The following ARID3C variants were observed in gnomAD, a reference collection of about 807,000 sequenced individuals.
ARID3C encodes the protein AT-rich interactive domain-containing protein 3C.
In ARID3C, 42 loss-of-function variants were observed where a neutral mutation model predicts 37.9. That is an observed-to-expected ratio of 1.11 (90% CI 0.87 to 1.43). The LOEUF is 1.43. Among genes scored for constraint, ARID3C ranks in the 40% most tolerant of loss-of-function variants. ARID3C has a pLI of 0.00. For missense variants in ARID3C, 581 were observed against 548.8 expected (o/e 1.06, Z -0.59); for synonymous variants, 213 against 228.0 (o/e 0.93, Z 0.59).
chr9:34,622,933 G>A (rs1820595789), intron 4 of ARID3C, among the ~76,000 whole-genome samples: 1 of 152,012 alleles, frequency 6.6e-6, no homozygotes, highest in Non-Finnish European at 1.5e-5. Context: ...GGATCACGTG[G>A]TCAGGAGATC....
chr9:34,632,312 G>C (rs146073227), upstream of ARID3C, among the ~76,000 whole-genome samples: 80 of 152,172 alleles, frequency 5.3e-4, no homozygotes, highest in African/African-American at 1.8e-3. Flanking sequence ...ATAGAATTTT[G>C]CTTGATGTGT....
upstream of ARID3C, among the ~76,000 whole-genome samples, chr9:34,629,702 GTC>G (rs995139391): frequency 6.6e-6 from 1 of 152,024 alleles, no homozygotes; most frequent in African/African-American, 2.4e-5. Context: ...CACAGTTTTT[GTC>G]TCTTTTGACA....
exon 1 of ARID3C, chr9:34,627,723 A>C (rs1820674843): frequency 6.2e-7 from 1 of 1,612,932 alleles, no homozygotes; most frequent in East Asian, 2.2e-5. Context: ...TCGTAGGTCC[A>C]CTCGTGGGGA....
At chr9:34,623,156 AAAAAAAAG>A (rs1820599590) in intron 4 of ARID3C, among the ~76,000 whole-genome samples, 1 of 150,944 alleles carries the variant, frequency 6.6e-6, no homozygotes, top group African/African-American at 2.4e-5. Context: ...ACAAAAAAAA[AAAAAAAAG>A]AAAAAAAGAA....
chr9:34,625,168 T>C (rs1482709939), intron 2 of ARID3C, among the ~76,000 whole-genome samples: 1 of 152,126 alleles, frequency 6.6e-6, no homozygotes, highest in Non-Finnish European at 1.5e-5. Context: ...GAGTCAGTGT[T>C]CGGTCCCATG....
chr9:34,622,203 C>A (rs1820578714), intron 5 of ARID3C, 94 bp from the exon 7 acceptor site: 1 of 1,575,184 alleles, frequency 6.3e-7, no homozygotes, highest in Non-Finnish European at 8.7e-7. Flanking sequence ...AGACAGCCCC[C>A]ATTCCACTTC....
chr9:34,627,202 G>A (rs1247878011), intron 1 of ARID3C, among the ~76,000 whole-genome samples: 1 of 152,238 alleles, frequency 6.6e-6, no homozygotes, highest in African/African-American at 2.4e-5. Context: ...AGCCTGCCAA[G>A]TGAGTGATAA....
At chr9:34,626,315 G>T (rs1179303923) in intron 1 of ARID3C, among the ~76,000 whole-genome samples, 4 of 152,166 alleles carry the variant, frequency 2.6e-5, no homozygotes, top group Non-Finnish European at 4.4e-5. Flanking sequence ...CCTCAGGCAG[G>T]GTGATGCTCA....
chr9:34,625,743 C>CGT lies in ARID3C; in HGVS notation c.389_390insAC (p.Gly131ArgfsTer5), dbSNP rs760752324. On this transcript the variant is annotated frameshift_variant and splice_region_variant, in exon 2 of 7. Coordinates refer to ENST00000378909, the Ensembl canonical transcript of ARID3C. LOFTEE classifies it high-confidence loss of function. ...CTTCCCCCACATCATGCCACTCACC[C>CGT]CTCTTTTGCATGAAGCTAAACAGGT... The CGT allele has an allele frequency of 6.2e-7, 1 of 1,613,936 alleles. No individual in the cohort carries two copies. The highest frequency in any genetic ancestry group is 8.5e-7 in the Non-Finnish European group (1 of 1,179,892).
rs752602142 is a variant in ARID3C, at chr9:34,627,647, A to G, written c.318+50T>C. The G allele has an allele frequency of 4.6e-6, 7 of 1,519,546 alleles. No individual in the cohort carries two copies. The East Asian group carries it at 1.6e-4, about 35-fold the overall frequency. 94.1% of individuals were successfully genotyped at this position (1,519,546 alleles called of 1,614,324 possible). On this transcript the variant is annotated intron_variant, in intron 1 of 6. Transcript: ENST00000378909. Reference sequence around the variant, plus strand: ...CTAATCACCTGGCTGTGCTTTTGCCAGAAGAGAGAGATAGGGAAGAGGGCC... The same window carrying G: ...CTAATCACCTGGCTGTGCTTTTGCCGGAAGAGAGAGATAGGGAAGAGGGCC...
At position 34,622,001 on chromosome 9, in the gene ARID3C, C is replaced by T; in HGVS notation, c.1138+19G>A. On this transcript the variant is annotated intron_variant, in intron 6 of 6. Coordinates refer to ENST00000378909, the Ensembl canonical transcript of ARID3C. ...ACCCCTGACCCCATGCCAGTGTAGA[C>T]AGCCTGCAGTACCCATACCAGTGTA... 1.9e-6 allele frequency: 3 copies of T among 1,612,266 alleles called. No homozygotes were observed. Among genetic ancestry groups the T allele is most frequent in the Non-Finnish European group, 2.5e-6 (3 of 1,178,328 alleles).
chr9:34,624,523 A>G (rs920846720), intron 2 of ARID3C, among the ~76,000 whole-genome samples: 1 of 152,194 alleles, frequency 6.6e-6, no homozygotes, highest in Non-Finnish European at 1.5e-5. Flanking sequence ...GGACTTTCGG[A>G]CAGTGCTGAA....
At chr9:34,625,671 A>T (rs1325895368) in intron 2 of ARID3C, 71 bp downstream of exon 3, 1 of 1,569,106 alleles carries the variant, frequency 6.4e-7, no homozygotes, top group African/African-American at 1.4e-5. Context: ...AGCAGGGAGA[A>T]CCCAACCGGG....
At chr9:34,630,470 T>C (rs1820713127), upstream of ARID3C, among the ~76,000 whole-genome samples, 1 of 152,154 alleles carries the variant, frequency 6.6e-6, no homozygotes, top group African/African-American at 2.4e-5. Flanking sequence ...GGGGTGACAC[T>C]TGGCATAGGT....
At position 34,623,721 on chromosome 9, in the gene ARID3C, G is replaced by A. The variant is rs10814129; in HGVS notation, c.576-7C>T. 260,504 of 1,524,128 alleles carry A rather than the reference G, an allele frequency of 0.17. 23,318 individuals are homozygous for A. The highest frequency in any genetic ancestry group is 0.31 in the East Asian group (13,007 of 42,132). The allele number at this position is 1,524,128 out of a possible 1,614,324, so 94.4% of individuals were successfully genotyped here. A position where few individuals can be genotyped will look rare whatever the true frequency, so the allele number is the denominator to read the frequency against. On this transcript the variant is annotated splice_polypyrimidine_tract_variant and splice_region_variant and intron_variant, in intron 3 of 6. Coordinates refer to ENST00000378909, the Ensembl canonical transcript of ARID3C. The stretch of plus-strand genomic sequence containing the variant: ...GTACAGGTACTTCATGTACCTAGGG[G>A]CGGACAGCGGGCGGTGAGTGTATGG...
At chr9:34,625,616 C>T (rs527652624) in intron 2 of ARID3C, 126 bp downstream of exon 3, 38 of 791,164 alleles carry the variant, frequency 4.8e-5, no homozygotes, top group Admixed American at 2.0e-4. Flanking sequence ...AGGTTAAAGA[C>T]GCTATCGAGG....
chr9:34,622,096 A>T, exon 6 of ARID3C: 1 of 1,614,072 alleles, frequency 6.2e-7, no homozygotes, highest in Non-Finnish European at 8.5e-7. Flanking sequence ...TAAGAGGCCC[A>T]TCCAGCCGCT....
chr9:34,628,976 C>T (rs1206275652), upstream of ARID3C, among the ~76,000 whole-genome samples: 2 of 152,016 alleles, frequency 1.3e-5, no homozygotes, highest in Admixed American at 1.3e-4. This position sits in a 1 kb window ranked among gnomAD's most constrained non-coding sequence, Gnocchi z 5.2. Flanking sequence ...CTCCGCCCGC[C>T]TCCCAGGCGG....
rs150189522 is a variant in ARID3C at position 34,621,541 on chromosome 9, G to A, written c.1156C>T (p.Arg386Cys). 9.0e-5 allele frequency: 142 copies of A among 1,571,206 alleles called. No individual in the cohort carries two copies. The highest frequency in any genetic ancestry group is 1.8e-4 in the Middle Eastern group (1 of 5,676). Residue 386 changes from arginine (R) to cysteine (C), a missense_variant, in exon 7 of 7, where the codon CGC becomes TGC. Arg to Cys is a radical substitution (Grantham distance 180). Transcript: ENST00000378909. Reference sequence around the variant, plus strand: ...CCCTGGGAAGCTGGCACAGGCTGGCGGCGGGCAAAGAGGACACCTGGCAAA... The same window carrying A: ...CCCTGGGAAGCTGGCACAGGCTGGCAGCGGGCAAAGAGGACACCTGGCAAA...
Sources: allele counts gnomAD v4.1 joint callset (sites outside exome capture counted in the v4.1 genomes callset), GRCh38; gene constraint gnomAD v4.1.1; non-coding constraint Gnocchi (gnomAD v3.1); transcripts MANE v1.5; gene names NCBI Gene and HGNC (gene_info 2026-07-23, HGNC 2026-07-21).